Variants in ARID1B observed in about 807,000 individuals in gnomAD.
ARID1B encodes AT-rich interaction domain 1B, also known as AT-rich interactive domain-containing protein 1B.
A neutral mutation model predicts 212.3 loss-of-function variants in ARID1B; 30 were observed. That is an observed-to-expected ratio of 0.14 (90% confidence interval 0.11 to 0.19). ARID1B has a LOEUF of 0.19. Ranked by LOEUF, ARID1B falls within the 10% of genes least tolerant of loss-of-function variation. The probability of loss-of-function intolerance (pLI) is 1.00; values close to 1 mark genes in which losing one functional copy is unlikely to be tolerated. For missense variants in ARID1B, 2,891 were observed against 3,204.0 expected (o/e 0.90, Z 2.36); for synonymous variants, 1,402 against 1,301.7 (o/e 1.08, Z -1.66).
At chr6:157,081,088 CT>C in intron 4 of ARID1B, among the ~76,000 whole-genome samples, 1 of 152,152 alleles carries the variant, frequency 6.6e-6, no homozygotes, top group Non-Finnish European at 1.5e-5. Context: ...AAAAAGAGGA[CT>C]GATTTATGGA....
intron 4 of ARID1B, chr6:156,985,738 A>G (rs1185843241): frequency 6.6e-6 from 1 of 152,220 alleles, no homozygotes; most frequent in African/African-American, 2.4e-5. Flanking sequence ...AATGTGAACC[A>G]TATGATAATA....
At position 157,207,192 on chromosome 6, in the gene ARID1B, C is replaced by T. The variant is rs771370514; in HGVS notation, c.6420C>T (p.Leu2140=). The T allele has an allele frequency of 5.6e-6, 9 of 1,614,110 alleles. No individual in the cohort carries two copies. Among genetic ancestry groups the T allele is most frequent in the East Asian group, 4.5e-5 (2 of 44,878 alleles). ...AAGATGAGTGGTGGTGGGACTGCCT[C>T]GAGGTCTTGAGGGATAACACGTTGG... ...CSKDEWWWDC[L]EVLRDNTLVT... Residue 2140 remains leucine (L), a synonymous_variant, in exon 20 of 20, where the codon CTC becomes CTT. Coordinates refer to ENST00000636930, the MANE Select transcript of ARID1B (RefSeq NM_001374828.1). This position sits in a 1 kb window ranked among gnomAD's most constrained non-coding sequence, Gnocchi z 8.5.
chr6:156,878,212 C>T (rs1201390944), intron 2 of ARID1B, among the ~76,000 whole-genome samples: 1 of 152,040 alleles, frequency 6.6e-6, no homozygotes, highest in East Asian at 1.9e-4. Flanking sequence ...GCTACCATTT[C>T]AAGGTACCAT....
intron 4 of ARID1B, among the ~76,000 whole-genome samples, chr6:156,993,336 A>T (rs1778378668): frequency 6.6e-6 from 1 of 152,218 alleles, no homozygotes; most frequent in Admixed American, 6.5e-5. Context: ...TGCGCCTGGC[A>T]CATTTTAAAT....
At position 157,200,955 on chromosome 6, in the gene ARID1B, C is replaced by T. The variant is rs1554235692; in HGVS notation, c.4730C>T (p.Ser1577Leu). ...PPQMMGGPLQ[S>L]SSSEGPQQNM... ...CAGATGATGGGCGGCCCGCTGCAGTCGTCCTCCAGTGAGGGGCCTCAGCAG... is the reference window on the plus strand; with the variant it reads ...CAGATGATGGGCGGCCCGCTGCAGTTGTCCTCCAGTGAGGGGCCTCAGCAG... The change falls in exon 18 of 20, where the codon TCG (serine) becomes TTG (leucine). Residue 1577 changes from serine to leucine, a missense_variant. Coordinates refer to ENST00000636930, the MANE Select transcript of ARID1B (RefSeq NM_001374828.1). This position sits in a 1 kb window ranked among gnomAD's most constrained non-coding sequence, Gnocchi z 4.3. 3.7e-6 allele frequency: 6 copies of T among 1,613,902 alleles called. No individual in the cohort carries two copies. The highest frequency in any genetic ancestry group is 1.3e-5 in the African/African-American group (1 of 74,948).
chr6:157,201,538 G>T lies in ARID1B; in HGVS notation c.5263+50G>T, dbSNP rs1486138392. 8 of 1,477,524 alleles carry T rather than the reference G, an allele frequency of 5.4e-6. No individual in the cohort carries two copies. Among genetic ancestry groups the T allele is most frequent in the Middle Eastern group, 1.8e-4 (1 of 5,506 alleles). The allele number at this position is 1,477,524 out of a possible 1,614,324, so 91.5% of individuals were successfully genotyped here. On this transcript the variant is annotated intron_variant, in intron 18 of 19. Coordinates refer to ENST00000636930, the MANE Select transcript of ARID1B (RefSeq NM_001374828.1). This position sits in a 1 kb window ranked among gnomAD's most constrained non-coding sequence, Gnocchi z 5.2. ...TGAAATGAATTCCAGTTGCAGTGTA[G>T]AATTTTAATTTTAGTAAAGATGCTG...
At chr6:156,981,476 C>G (rs1777600967) in intron 4 of ARID1B, among the ~76,000 whole-genome samples, 1 of 152,172 alleles carries the variant, frequency 6.6e-6, no homozygotes, top group Admixed American at 6.5e-5. Flanking sequence ...TGATGAAAAT[C>G]AAATGAAATT....
chr6:156,919,701 G>A (rs781549507), intron 3 of ARID1B, among the ~76,000 whole-genome samples: 3 of 152,308 alleles, frequency 2.0e-5, no homozygotes, highest in Non-Finnish European at 4.4e-5. Context: ...GCGTGTTAGC[G>A]GACATCTGTA....
At chr6:156,990,649 A>G (rs1778226953) in intron 4 of ARID1B, among the ~76,000 whole-genome samples, 1 of 152,022 alleles carries the variant, frequency 6.6e-6, no homozygotes, top group African/African-American at 2.4e-5. Context: ...CAAAACGAAC[A>G]AACAAACAAA....
chr6:156,855,990 C>T lies in ARID1B; in HGVS notation c.1986+26569C>T, dbSNP rs147340315. On this transcript the variant is annotated intron_variant, in intron 2 of 19. Coordinates refer to ENST00000636930, the MANE Select transcript of ARID1B (RefSeq NM_001374828.1). ...GTGGTTATGTAGCCTACAATTTTCA[C>T]GTATTATAATTATAACTCTTCGTGT... 9.2e-5 allele frequency among the ~76,000 whole-genome samples: 14 copies of T among 152,246 alleles called. No homozygotes were observed. In the East Asian group the frequency reaches 2.3e-3, roughly 25 times the overall value.
chr6:156,999,103 G>A (rs893132415), intron 4 of ARID1B, among the ~76,000 whole-genome samples: 9 of 152,178 alleles, frequency 5.9e-5, no homozygotes, highest in East Asian at 3.9e-4. Flanking sequence ...TGGCTGTGGC[G>A]GTGCTGCAGT....
At chr6:157,071,448 A>G (rs762482451) in intron 4 of ARID1B, 6 of 152,248 alleles carry the variant, frequency 3.9e-5, no homozygotes, top group Non-Finnish European at 8.8e-5. Flanking sequence ...ATGAAACAGG[A>G]ACTTTAAAAG....
chr6:156,799,797 A>C (rs538318994), intron 1 of ARID1B, among the ~76,000 whole-genome samples: 3 of 152,288 alleles, frequency 2.0e-5, no homozygotes, highest in South Asian at 2.1e-4. Context: ...TTGATATTCT[A>C]TGAAGATACT....
chr6:157,110,529 C>A lies in ARID1B; in HGVS notation c.2549C>A (p.Ala850Asp). The A allele has an allele frequency of 1.2e-6, 2 of 1,614,194 alleles. No individual in the cohort carries two copies. Among genetic ancestry groups the A allele is most frequent in the Non-Finnish European group, 1.7e-6 (2 of 1,180,026 alleles). ...CAGTCAGAATCCAGTTCCCATCCCG[C>A]CTTGAGCCAGTCACCAATGCCACAG... ...GSQSESSSHP[A>D]LSQSPMPQER... The change falls in exon 6 of 20, where the codon GCC becomes GAC. Residue 850 changes from alanine (A) to aspartate (D), a missense_variant. This residue lies in a region of ARID1B where 1,643 missense variants were observed against 1,544.0 expected (regional missense o/e 1.06). Transcript: ENST00000636930.
At chr6:157,139,187 C>T (rs572813501) in intron 7 of ARID1B, among the ~76,000 whole-genome samples, 28 of 152,322 alleles carry the variant, frequency 1.8e-4, no homozygotes, top group Middle Eastern at 3.4e-3. Flanking sequence ...TAATTAACAT[C>T]AGCAGTACTT....
At position 157,196,412 on chromosome 6, in the gene ARID1B, C is replaced by T. The variant is rs1413133762; in HGVS notation, c.4382+97C>T. The T allele has an allele frequency of 7.8e-6, 11 of 1,412,478 alleles. No homozygotes were observed. In the East Asian group the frequency reaches 2.4e-4, roughly 30 times the overall value. 87.5% of individuals were successfully genotyped at this position (1,412,478 alleles called of 1,614,324 possible). A position where few individuals can be genotyped will look rare whatever the true frequency, so the allele number is the denominator to read the frequency against. ...GCCCTGGCAGCTGAGCCACTGATGA[C>T]AATATACAGTGTCCCCTTTCCTGTG... is the stretch of plus-strand genomic sequence containing the variant. On this transcript the variant is annotated intron_variant, in intron 16 of 19. Transcript: ENST00000636930.
rs1793714495 is a variant in ARID1B, at chr6:157,196,244, C to G, written c.4311C>G (p.Pro1437=). Residue 1437 remains proline, a synonymous_variant, in exon 16 of 20, where the codon CCC becomes CCG. Transcript: ENST00000636930. The stretch of plus-strand genomic sequence containing the variant: ...TGCAGGACATGTACAACCAAAGTCC[C>G]TCCGGAGCAATGTCTAACCTGGGCA... ...SSMQDMYNQS[P]SGAMSNLGMG... 6.2e-7 allele frequency: 1 copy of G among 1,613,336 alleles called. No homozygotes were observed. Among genetic ancestry groups the G allele is most frequent in the African/African-American group, 1.3e-5 (1 of 74,844 alleles).
chr6:156,823,029 C>T (rs1002326565), intron 1 of ARID1B, among the ~76,000 whole-genome samples: 3 of 152,358 alleles, frequency 2.0e-5, no homozygotes, highest in African/African-American at 7.2e-5. Context: ...CAGCAACTAT[C>T]TACAGGCCAC....
intron 6 of ARID1B, among the ~76,000 whole-genome samples, chr6:157,112,842 G>T (rs564471300): frequency 6.6e-6 from 1 of 151,884 alleles, no homozygotes; most frequent in Non-Finnish European, 1.5e-5. Context: ...TTTTTCCTTC[G>T]ATTGCCTTTA....
Sources: allele counts gnomAD v4.1 joint callset (sites outside exome capture counted in the v4.1 genomes callset), GRCh38; gene constraint gnomAD v4.1.1; regional missense constraint gnomAD v4.1.1; non-coding constraint Gnocchi (gnomAD v3.1); transcripts MANE v1.5; gene names NCBI Gene and HGNC (gene_info 2026-07-23, HGNC 2026-07-21).